FHIT: variants seen among roughly 807,000 people sequenced by gnomAD.
The protein encoded by FHIT is fragile histidine triad diadenosine triphosphatase, also known as bis(5'-adenosyl)-triphosphatase.
A neutral mutation model predicts 17.9 loss-of-function variants in FHIT; 19 were observed. The ratio of observed to expected loss-of-function variants is 1.06; its 90% confidence interval spans 0.74 to 1.56. FHIT has a LOEUF of 1.56. FHIT is among the 40% of genes most tolerant of loss of function. The pLI, the probability that FHIT is intolerant of heterozygous loss-of-function variation, is 0.00. For missense variants in FHIT, 248 were observed against 189.2 expected (o/e 1.31, Z -1.82); for synonymous variants, 81 against 69.7 (o/e 1.16, Z -0.81).
At chr3:60,761,089 G>C (rs908524549) in intron 4 of FHIT, among the ~76,000 whole-genome samples, 1 of 152,034 alleles carries the variant, frequency 6.6e-6, no homozygotes, top group South Asian at 2.1e-4. Context: ...AGGGGGAGGG[G>C]GGAAAGACTA....
At chr3:60,593,554 A>G (rs1180350228) in intron 4 of FHIT, among the ~76,000 whole-genome samples, 1 of 152,146 alleles carries the variant, frequency 6.6e-6, no homozygotes, top group Non-Finnish European at 1.5e-5. Context: ...TTGCTGCTCA[A>G]TGCAAATAAT....
chr3:61,206,980 T>G (rs2039258925), intron 1 of FHIT, among the ~76,000 whole-genome samples: 1 of 152,208 alleles, frequency 6.6e-6, no homozygotes, highest in Non-Finnish European at 1.5e-5. Flanking sequence ...CTTATTATTT[T>G]GAGATATGAC....
At chr3:60,173,116 A>G (rs1701492333) in intron 5 of FHIT, among the ~76,000 whole-genome samples, 1 of 152,192 alleles carries the variant, frequency 6.6e-6, no homozygotes, top group South Asian at 2.1e-4. Flanking sequence ...CATTGGACCA[A>G]CTACTTTCTG....
intron 2 of FHIT, among the ~76,000 whole-genome samples, chr3:61,083,279 A>T (rs1468046617): frequency 2.0e-5 from 3 of 152,166 alleles, no homozygotes; most frequent in Non-Finnish European, 4.4e-5. Flanking sequence ...CCAATTTTAG[A>T]ACATTCTAAT....
intron 5 of FHIT, among the ~76,000 whole-genome samples, chr3:60,150,418 C>T (rs556607794): frequency 2.0e-5 from 3 of 152,078 alleles, no homozygotes; most frequent in African/African-American, 7.2e-5. Context: ...ATGATCTCAC[C>T]CCATAAGGCA....
intron 5 of FHIT, among the ~76,000 whole-genome samples, chr3:60,181,628 A>T (rs1158672320): frequency 6.6e-6 from 1 of 152,216 alleles, no homozygotes; most frequent in East Asian, 1.9e-4. Context: ...TAGTAAAGAC[A>T]TGTTTAATAA....
intron 4 of FHIT, among the ~76,000 whole-genome samples, chr3:60,606,003 AG>A: frequency 1.3e-5 from 2 of 152,308 alleles, no homozygotes; most frequent in South Asian, 2.1e-4. Flanking sequence ...TATAGAAACC[AG>A]GGGATGTTAT....
intron 5 of FHIT, among the ~76,000 whole-genome samples, chr3:60,136,233 C>A (rs1296500267): frequency 6.6e-6 from 1 of 152,192 alleles, no homozygotes. Context: ...AGGGAGGCAT[C>A]TGGAGAGCTC....
At chr3:60,014,280 A>G (rs1700256993) in intron 5 of FHIT, 128 bp from the exon 6 acceptor site, 2 of 824,800 alleles carry the variant, frequency 2.4e-6, no homozygotes, top group Non-Finnish European at 3.7e-6. Flanking sequence ...GAATGAAGAA[A>G]CAGATATTTA....
At chr3:60,665,301 T>C (rs758592380) in intron 4 of FHIT, among the ~76,000 whole-genome samples, 1 of 152,058 alleles carries the variant, frequency 6.6e-6, no homozygotes, top group Non-Finnish European at 1.5e-5. Flanking sequence ...TATTTGCTGA[T>C]TGTGATGGCG....
chr3:60,696,797 C>T (rs546865400), intron 4 of FHIT, among the ~76,000 whole-genome samples: 53 of 152,220 alleles, frequency 3.5e-4, no homozygotes, highest in East Asian at 3.5e-3. Context: ...GTAAACATTA[C>T]GACCTTAGGT....
chr3:60,141,452 G>A (rs1700036215), intron 5 of FHIT, among the ~76,000 whole-genome samples: 3 of 146,178 alleles, frequency 2.1e-5, no homozygotes, highest in Admixed American at 6.9e-5. Context: ...AAAAATCAAA[G>A]CGAGAAAGTC....
intron 3 of FHIT, among the ~76,000 whole-genome samples, chr3:60,920,082 G>C (rs1707203155): frequency 6.6e-6 from 1 of 151,606 alleles, no homozygotes; most frequent in Non-Finnish European, 1.5e-5. Flanking sequence ...ACCTCAGCTT[G>C]CCATTCACTT....
intron 5 of FHIT, among the ~76,000 whole-genome samples, chr3:60,210,876 T>C (rs1467918729): frequency 6.6e-6 from 1 of 152,072 alleles, no homozygotes; most frequent in Non-Finnish European, 1.5e-5. Context: ...ATTTATCCTT[T>C]GACACAGAAT....
chr3:60,177,710 T>C (rs942927845), intron 5 of FHIT, among the ~76,000 whole-genome samples: 2 of 152,230 alleles, frequency 1.3e-5, no homozygotes, highest in South Asian at 4.1e-4. Flanking sequence ...AGCTGAGATA[T>C]AATTATGCCA....
At chr3:60,546,569 G>A (rs951052017) in intron 4 of FHIT, among the ~76,000 whole-genome samples, 1 of 152,064 alleles carries the variant, frequency 6.6e-6, no homozygotes, top group African/African-American at 2.4e-5. Flanking sequence ...ATTTTCATTT[G>A]TCTTGTTTAC....
rs531887290 is a variant in FHIT at position 60,351,754 on chromosome 3, G to A, written c.103+185106C>T. ...AATCTAATAGTCTAGTACTCAGCTC[G>A]CAAGGAAACCAGTCAGTCATCTTTG... On this transcript the variant is annotated intron_variant, in intron 5 of 9. Transcript: ENST00000492590. 2.0e-4 allele frequency among the ~76,000 whole-genome samples: 30 copies of A among 152,226 alleles called. No individual in the cohort carries two copies. In the East Asian group the frequency reaches 3.9e-3, roughly 20 times the overall value.
At chr3:59,825,018 C>T (rs1246544997) in intron 8 of FHIT, among the ~76,000 whole-genome samples, 1 of 152,212 alleles carries the variant, frequency 6.6e-6, no homozygotes, top group Non-Finnish European at 1.5e-5. Flanking sequence ...AAATGCAGCA[C>T]TGTGTATGTT....
At chr3:61,189,022 C>G (rs1560054635) in intron 2 of FHIT, among the ~76,000 whole-genome samples, 1 of 152,004 alleles carries the variant, frequency 6.6e-6, no homozygotes, top group Non-Finnish European at 1.5e-5. Flanking sequence ...AAAACTGGCA[C>G]AAGACAGGGA....
Sources: allele counts gnomAD v4.1 joint callset (sites outside exome capture counted in the v4.1 genomes callset), GRCh38; gene constraint gnomAD v4.1.1; transcripts MANE v1.5; gene names NCBI Gene and HGNC (gene_info 2026-07-23, HGNC 2026-07-21).